GNB1: variants seen among roughly 807,000 people sequenced by gnomAD.
GNB1 encodes G protein subunit beta 1.
A neutral mutation model predicts 42.9 loss-of-function variants in GNB1; 2 were observed. That is an observed-to-expected ratio of 0.05 (90% CI 0.02 to 0.15). GNB1 has a LOEUF of 0.15. GNB1 is among the 10% of genes least tolerant of loss of function. The probability of loss-of-function intolerance (pLI) is 1.00; values close to 1 mark genes in which losing one functional copy is unlikely to be tolerated. For missense variants in GNB1, 193 were observed against 462.2 expected (o/e 0.42, Z 5.34); for synonymous variants, 183 against 174.7 (o/e 1.05, Z -0.38).
intron 1 of GNB1, among the ~76,000 whole-genome samples, chr1:1,886,864 C>A (rs1198075193): frequency 6.6e-6 from 1 of 152,086 alleles, no homozygotes; most frequent in African/African-American, 2.4e-5. Context: ...CAGCACCACG[C>A]CCAGCTAATT....
intron 1 of GNB1, among the ~76,000 whole-genome samples, chr1:1,868,927 G>A (rs1266594176): frequency 6.6e-6 from 1 of 151,874 alleles, no homozygotes; most frequent in African/African-American, 2.4e-5. Context: ...ACTCATGCCT[G>A]TAATCCCAAC....
chr1:1,870,315 C>A (rs1649176785), intron 1 of GNB1, among the ~76,000 whole-genome samples: 1 of 152,170 alleles, frequency 6.6e-6, no homozygotes. Flanking sequence ...GCTAGGACTA[C>A]AGGCACCATG....
At position 1,881,154 on chromosome 1, in the gene GNB1, A is replaced by G. The variant is rs534470575; in HGVS notation, c.-96+9666T>C. ...CCAACACACACAAACTAAACTCATC[A>G]TGACCCACAGCCACCCAGAGGGCAG... On this transcript the variant is annotated intron_variant, in intron 1 of 11. Transcript: ENST00000378609. 3.3e-5 allele frequency among the ~76,000 whole-genome samples: 5 copies of G among 152,242 alleles called. 1 individual carries two copies. The South Asian group carries it at 8.3e-4, about 25-fold the overall frequency.
At chr1:1,824,763 G>C (rs932858440) in intron 3 of GNB1, among the ~76,000 whole-genome samples, 1 of 151,850 alleles carries the variant, frequency 6.6e-6, no homozygotes, top group East Asian at 1.9e-4. Context: ...TGTAGAGATG[G>C]GGGTTTCACT....
intron 1 of GNB1, among the ~76,000 whole-genome samples, chr1:1,880,585 C>CAA (rs67566340): frequency 3.4e-5 from 5 of 145,458 alleles, no homozygotes; most frequent in Admixed American, 6.9e-5. Context: ...GACTCCATCT[C>CAA]AAAAAAAAAA....
At chr1:1,861,354 C>T (rs943597165) in intron 1 of GNB1, among the ~76,000 whole-genome samples, 1 of 151,800 alleles carries the variant, frequency 6.6e-6, no homozygotes, top group African/African-American at 2.4e-5. Context: ...GTAGCTGAGG[C>T]AGGAGGATCA....
chr1:1,823,008 C>T (rs559512569), intron 3 of GNB1, among the ~76,000 whole-genome samples: 2 of 151,972 alleles, frequency 1.3e-5, no homozygotes, highest in East Asian at 1.9e-4. Context: ...TTTGGGAGGC[C>T]GAGGTGGGCG....
At chr1:1,833,926 G>C (rs1557913177) in intron 2 of GNB1, among the ~76,000 whole-genome samples, 1 of 152,162 alleles carries the variant, frequency 6.6e-6, no homozygotes, top group Non-Finnish European at 1.5e-5. Context: ...AGGGAAACAT[G>C]TTCAATGACC....
At position 1,787,478 on chromosome 1, in the gene GNB1, G is replaced by A. The variant is rs1375670250; in HGVS notation, c.917-41C>T. 1.7e-6 allele frequency: 2 copies of A among 1,203,748 alleles called. No individual in the cohort carries two copies. Among genetic ancestry groups the A allele is most frequent in the Admixed American group, 1.7e-5 (1 of 58,710 alleles). 74.6% of individuals were successfully genotyped at this position (1,203,748 alleles called of 1,614,324 possible). Reference sequence around the variant, plus strand: ...AGCAGAATCACACCAAAGCCCAGAGGCATCGATCTCACCTGTGTGCCATGT... The same window carrying A: ...AGCAGAATCACACCAAAGCCCAGAGACATCGATCTCACCTGTGTGCCATGT... On this transcript the variant is annotated intron_variant, in intron 10 of 11. Coordinates refer to ENST00000378609, the MANE Select transcript of GNB1 (RefSeq NM_002074.5). The surrounding 1 kb of genome is among the most constrained non-coding windows in gnomAD (Gnocchi z 4.4).
At chr1:1,850,891 A>C (rs545903873) in intron 1 of GNB1, among the ~76,000 whole-genome samples, 1 of 152,312 alleles carries the variant, frequency 6.6e-6, no homozygotes, top group South Asian at 2.1e-4. Context: ...GGGTTAATTC[A>C]ATCTAGTCTT....
intron 2 of GNB1, 143 bp from the exon 3 acceptor site, chr1:1,825,642 A>T: frequency 1.8e-6 from 1 of 552,714 alleles, no homozygotes; most frequent in Non-Finnish European, 3.3e-6. Context: ...AGGCGGGCAG[A>T]TCACGAGGTC....
chr1:1,867,744 T>C (rs571801281), intron 1 of GNB1, among the ~76,000 whole-genome samples: 2 of 152,358 alleles, frequency 1.3e-5, no homozygotes, highest in South Asian at 4.1e-4. Flanking sequence ...TTGCTGTAGA[T>C]ATGTTCCGAA....
At chr1:1,791,903 T>C (rs908707880) in intron 8 of GNB1, among the ~76,000 whole-genome samples, 1 of 152,168 alleles carries the variant, frequency 6.6e-6, no homozygotes, top group Admixed American at 6.5e-5. Context: ...TGTAAATCTA[T>C]GAAATTTATA....
chr1:1,843,130 T>C lies in GNB1; in HGVS notation c.-95-3892A>G, dbSNP rs150644708. ...TCACAATTATCTCAACCACTAAATA[T>C]AAATCTTTTCAAGTACTTTCCAGAT... On this transcript the variant is annotated intron_variant, in intron 1 of 11. Coordinates refer to ENST00000378609, the MANE Select transcript of GNB1 (RefSeq NM_002074.5). Among the ~76,000 whole-genome samples the C allele has an allele frequency of 4.0e-4, 61 of 152,288 alleles. 1 individual carries two copies. Among genetic ancestry groups the C allele is most frequent in the African/African-American group, 1.2e-3 (48 of 41,564 alleles).
chr1:1,859,822 T>C (rs1648520787), intron 1 of GNB1, among the ~76,000 whole-genome samples: 1 of 146,100 alleles, frequency 6.8e-6, no homozygotes, highest in African/African-American at 2.6e-5. Context: ...CGACCATCCT[T>C]GCCAACACGG....
chr1:1,792,412 T>C (rs1646492819), intron 8 of GNB1, among the ~76,000 whole-genome samples: 1 of 152,074 alleles, frequency 6.6e-6, no homozygotes, highest in South Asian at 2.1e-4. Flanking sequence ...AAAATATCTA[T>C]GTTGGCCAGG....
chr1:1,855,661 G>C (rs930694235), intron 1 of GNB1, among the ~76,000 whole-genome samples: 1 of 149,948 alleles, frequency 6.7e-6, no homozygotes, highest in Non-Finnish European at 1.5e-5. Context: ...AGCCGAGATC[G>C]CGCCACTGCA....
rs142393498 is a variant in GNB1 at position 1,795,067 on chromosome 1, C to T, written c.431-1756G>A. ...GCTCAAAATATTAACTACGTGCCTACGAAAGTATGCGTGGTCAAATACTTC... is the reference window on the plus strand; with the variant it reads ...GCTCAAAATATTAACTACGTGCCTATGAAAGTATGCGTGGTCAAATACTTC... On this transcript the variant is annotated intron_variant, in intron 7 of 11. Transcript: ENST00000378609. Among the ~76,000 whole-genome samples the T allele has an allele frequency of 5.9e-5, 9 of 152,316 alleles. 1 individual carries two copies. In the South Asian group the frequency reaches 1.0e-3, roughly 18 times the overall value.
At chr1:1,791,409 A>G (rs567692864) in intron 8 of GNB1, among the ~76,000 whole-genome samples, 1 of 152,248 alleles carries the variant, frequency 6.6e-6, no homozygotes, top group African/African-American at 2.4e-5. Context: ...TCCTGACCTC[A>G]GGTGATCCGC....
Sources: gnomAD v4.1 joint callset for allele counts (sites outside exome capture counted in the v4.1 genomes callset) on GRCh38, gnomAD v4.1.1 for gene constraint, Gnocchi (gnomAD v3.1) non-coding constraint, MANE v1.5 for transcripts, NCBI Gene and HGNC (gene_info 2026-07-23, HGNC 2026-07-21) for gene names.